Variants in IL1RAPL2 observed in about 807,000 individuals in gnomAD.
IL1RAPL2 encodes the protein interleukin 1 receptor accessory protein like 2, also known as X-linked interleukin-1 receptor accessory protein-like 2.
IL1RAPL2 carries 3 observed loss-of-function variants against 44.1 expected under a neutral mutation model. That is an observed-to-expected ratio of 0.07 (90% CI 0.03 to 0.18). IL1RAPL2 has a LOEUF of 0.18. IL1RAPL2 is among the 10% of genes least tolerant of loss of function. The pLI is 1.00. For missense variants in IL1RAPL2, 391 were observed against 496.4 expected (o/e 0.79, Z 2.02); for synonymous variants, 181 against 178.8 (o/e 1.01, Z -0.10).
At chrX:105,187,226 G>A (rs1051363731) in intron 2 of IL1RAPL2, among the ~76,000 whole-genome samples, 2 of 112,114 alleles carry the variant, frequency 1.8e-5, no homozygotes, top group African/African-American at 3.2e-5. Context: ...CCTAATGTGA[G>A]CATTATAACT....
intron 2 of IL1RAPL2, among the ~76,000 whole-genome samples, chrX:105,032,047 G>A (rs1053946296): frequency 8.1e-5 from 9 of 111,505 alleles, no homozygotes; most frequent in African/African-American, 2.9e-4. Flanking sequence ...ATGGTAGTTT[G>A]TATTTCTGTG....
At chrX:104,888,553 C>A (rs147004185) in intron 2 of IL1RAPL2, among the ~76,000 whole-genome samples, 175 of 111,190 alleles carry the variant, frequency 1.6e-3, no homozygotes, top group Non-Finnish European at 2.6e-3. Context: ...CTTCCTGCTT[C>A]CTTGGATACC....
intron 2 of IL1RAPL2, among the ~76,000 whole-genome samples, chrX:105,124,559 T>C (rs1209118357): frequency 9.1e-6 from 1 of 110,388 alleles, no homozygotes; most frequent in Non-Finnish European, 1.9e-5. Context: ...CAGATTTGCA[T>C]TGTGGTCTGC....
intron 2 of IL1RAPL2, among the ~76,000 whole-genome samples, chrX:104,721,624 G>A (rs1257270081): frequency 9.1e-6 from 1 of 110,485 alleles, no homozygotes; most frequent in Non-Finnish European, 1.9e-5. Flanking sequence ...AAACCACCAT[G>A]ACATACGTTT....
In IL1RAPL2 at chrX:104,940,658, C is replaced by A. The variant is rs145266133; in HGVS notation, c.83-254817C>A. ...CGTATACTTTTCTTGGATCTCTGAA[C>A]ATTGGAGTGCTTCAGGGCTAGTTGT... On this transcript the variant is annotated intron_variant, in intron 2 of 10. Transcript: ENST00000372582. Among the ~76,000 whole-genome samples the A allele has an allele frequency of 6.2e-3, 685 of 110,178 alleles. 3 individuals are homozygous for A. Among genetic ancestry groups the A allele is most frequent in the African/African-American group, 0.022 (653 of 30,312 alleles).
chrX:105,253,208 G>T (rs1377067673), intron 4 of IL1RAPL2, among the ~76,000 whole-genome samples: 1 of 111,317 alleles, frequency 9.0e-6, no homozygotes, highest in African/African-American at 3.3e-5. Context: ...ACCTTTTGTA[G>T]TTCCACAGTT....
At chrX:105,745,646 A>T (rs2038535043) in intron 8 of IL1RAPL2, among the ~76,000 whole-genome samples, 1 of 111,194 alleles carries the variant, frequency 9.0e-6, no homozygotes, top group Non-Finnish European at 1.9e-5. Context: ...TACCCTCATG[A>T]TCTAATCACC....
chrX:105,755,178 C>G lies in IL1RAPL2; in HGVS notation c.1194C>G (p.Asp398Glu), dbSNP rs764112223. 1 of 1,182,334 alleles carries G rather than the reference C, an allele frequency of 8.5e-7. No individual in the cohort carries two copies. Among genetic ancestry groups the G allele is most frequent in the South Asian group, 1.9e-5 (1 of 53,556 alleles). ...CTTTTGTTGTTCTTTATGTTTAAGA[C>G]AACAAGGAATATGATGCCTATCTCT... ...QHFGADETND[D>E]NKEYDAYLSY... is the part of the protein sequence containing the mutation. The change falls in exon 10 of 11, where the codon GAC (aspartate) becomes GAG (glutamate). Residue 398 changes from aspartate (D) to glutamate (E), a missense_variant and splice_region_variant. Coordinates refer to ENST00000372582, the MANE Select transcript of IL1RAPL2 (RefSeq NM_017416.2).
At chrX:104,867,156 GA>G in intron 2 of IL1RAPL2, among the ~76,000 whole-genome samples, 1 of 103,170 alleles carries the variant, frequency 9.7e-6, no homozygotes. Flanking sequence ...AGAATGGCAT[GA>G]ACCCGGGAGG....
intron 1 of IL1RAPL2, among the ~76,000 whole-genome samples, chrX:104,582,822 C>CTTTTTCTTTTCTTTCTTTCTTTCTTTCTT (rs748809592): frequency 2.0e-4 from 8 of 40,663 alleles, no homozygotes; most frequent in African/African-American, 8.5e-4. Context: ...TCCTTTCTTT[C>CTTTTTCTTTTCTTTCTTTCTTTCTTTCTT]TCTTTCTTTC....
At chrX:105,689,049 T>G (rs1193390406) in intron 6 of IL1RAPL2, among the ~76,000 whole-genome samples, 2 of 111,977 alleles carry the variant, frequency 1.8e-5, no homozygotes, top group Non-Finnish European at 3.8e-5. Context: ...GATCCCTTCC[T>G]TAAACCTTAT....
At chrX:104,683,383 A>G (rs955862202) in intron 2 of IL1RAPL2, among the ~76,000 whole-genome samples, 29 of 111,365 alleles carry the variant, frequency 2.6e-4, no homozygotes, top group African/African-American at 7.5e-4. Context: ...GCTTCATCCA[A>G]ATTGTTCTCA....
chrX:105,041,696 T>C (rs1429957896), intron 2 of IL1RAPL2, among the ~76,000 whole-genome samples: 5 of 108,745 alleles, frequency 4.6e-5, no homozygotes, highest in Non-Finnish European at 9.5e-5. Flanking sequence ...AAGCTACCAA[T>C]GACTTTCTTC....
chrX:104,647,698 G>A, intron 1 of IL1RAPL2: 1 of 548,295 alleles, frequency 1.8e-6, no homozygotes, highest in Non-Finnish European at 3.4e-6. Flanking sequence ...AAGGAAGCTG[G>A]CTAGCGACAG....
At chrX:105,676,763 A>G (rs1240471349) in intron 6 of IL1RAPL2, among the ~76,000 whole-genome samples, 2 of 112,257 alleles carry the variant, frequency 1.8e-5, no homozygotes, top group Admixed American at 9.5e-5. Flanking sequence ...TTCAATAATT[A>G]CATAGTAACA....
chrX:104,825,078 C>T (rs1172820034), intron 2 of IL1RAPL2, among the ~76,000 whole-genome samples: 1 of 111,420 alleles, frequency 9.0e-6, no homozygotes, highest in Non-Finnish European at 1.9e-5. Context: ...AGTCTAGTTG[C>T]TCAGTTAGGA....
At chrX:104,571,584 C>T (rs1201864759) in intron 1 of IL1RAPL2, among the ~76,000 whole-genome samples, 1 of 111,750 alleles carries the variant, frequency 8.9e-6, no homozygotes, top group Non-Finnish European at 1.9e-5. Flanking sequence ...TCTTGCCTGC[C>T]GCCATGTAAG....
intron 2 of IL1RAPL2, among the ~76,000 whole-genome samples, chrX:104,841,872 C>T (rs1317269993): frequency 1.8e-5 from 2 of 109,599 alleles, no homozygotes. Flanking sequence ...GTGTCTTGGG[C>T]TTGATCTTCT....
At chrX:104,595,670 A>G (rs1486188894) in intron 1 of IL1RAPL2, among the ~76,000 whole-genome samples, 1 of 112,130 alleles carries the variant, frequency 8.9e-6, no homozygotes, top group African/African-American at 3.2e-5. Flanking sequence ...TCAGGAAGCT[A>G]TGAGAATATT....
Sources: gnomAD v4.1 joint callset for allele counts (sites outside exome capture counted in the v4.1 genomes callset) on GRCh38, gnomAD v4.1.1 for gene constraint, MANE v1.5 for transcripts, NCBI Gene and HGNC (gene_info 2026-07-23, HGNC 2026-07-21) for gene names.